Variants in PARVB observed in about 807,000 individuals in gnomAD.
The protein encoded by PARVB is beta-parvin.
In PARVB, 46 loss-of-function variants were observed where a neutral mutation model predicts 47.0. The ratio of observed to expected loss-of-function variants is 0.98; its 90% CI spans 0.77 to 1.25. The LOEUF (loss-of-function observed/expected upper bound fraction) is 1.25, where lower values mean the gene tolerates loss of function less well. Ranked by LOEUF, PARVB falls within the 50% of genes most tolerant of loss-of-function variation. PARVB has a pLI of 0.00. For synonymous variants in PARVB, 196 were observed against 196.3 expected (o/e 1.00, Z 0.01); for missense variants, 473 against 471.6 (o/e 1.00, Z -0.03).
chr22:44,108,697 G>A (rs2052622188), intron 3 of PARVB: 1 of 152,104 alleles, frequency 6.6e-6, no homozygotes, highest in African/African-American at 2.4e-5. Context: ...TCTCAAGGGT[G>A]GGGAGAATTA....
At chr22:44,145,077 C>T (rs1368782799) in intron 8 of PARVB, 1 of 152,402 alleles carries the variant, frequency 6.6e-6, no homozygotes, top group Admixed American at 6.5e-5. Flanking sequence ...TCCCCAGAGC[C>T]TGCGGAGGCT....
chr22:44,051,977 A>G (rs967237504), intron 1 of PARVB, among the ~76,000 whole-genome samples: 3 of 152,140 alleles, frequency 2.0e-5, no homozygotes, highest in East Asian at 1.9e-4. Context: ...GAAACTGGGA[A>G]GAGGCCAGGA....
chr22:44,080,654 T>A (rs938610642), intron 1 of PARVB, among the ~76,000 whole-genome samples: 3 of 152,210 alleles, frequency 2.0e-5, no homozygotes, highest in Non-Finnish European at 2.9e-5. Context: ...GATGTGGACA[T>A]CTTTGCAGGG....
chr22:44,065,992 C>CT (rs1326481909), intron 1 of PARVB, among the ~76,000 whole-genome samples: 1 of 152,012 alleles, frequency 6.6e-6, no homozygotes, highest in East Asian at 1.9e-4. Context: ...TGTTTTTTGT[C>CT]TGATGACTTC....
At chr22:44,121,216 G>A (rs2053040404) in intron 4 of PARVB, among the ~76,000 whole-genome samples, 1 of 152,028 alleles carries the variant, frequency 6.6e-6, no homozygotes, top group Non-Finnish European at 1.5e-5. Context: ...TGTTGCCCAG[G>A]CCTGTTTTGT....
In PARVB at chr22:44,172,554, T is replaced by C. The variant is rs2054279151; in HGVS notation, c.*3876T>C. 1 of 168,972 alleles carries C rather than the reference T, an allele frequency of 5.9e-6. No individual in the cohort carries two copies. The highest frequency in any genetic ancestry group is 1.2e-4 in the South Asian group (1 of 8,578). 10.5% of individuals were successfully genotyped at this position (168,972 alleles called of 1,614,324 possible). ...CTAGGGGAGCCTCCCGCAGCTTCAG[T>C]TCCCCTTTGACGCCCACACAGTGTT... On this transcript the variant is annotated 3_prime_UTR_variant, in exon 13 of 13. Coordinates refer to ENST00000338758, the MANE Select transcript of PARVB (RefSeq NM_013327.5).
At chr22:44,138,297 G>A (rs1022412055) in intron 7 of PARVB, among the ~76,000 whole-genome samples, 5 of 152,176 alleles carry the variant, frequency 3.3e-5, no homozygotes, top group African/African-American at 1.2e-4. Flanking sequence ...TCCAGGAGGA[G>A]GGGAGCACCC....
intron 1 of PARVB, among the ~76,000 whole-genome samples, chr22:44,041,996 T>A (rs2051027547): frequency 6.6e-6 from 1 of 152,134 alleles, no homozygotes; most frequent in Non-Finnish European, 1.5e-5. Context: ...CCACGGCCAC[T>A]CCCCCACTTT....
At chr22:44,162,838 G>A (rs139077) in intron 11 of PARVB, 61,024 of 152,098 alleles carry the variant, frequency 0.4, 12,666 homozygotes, top group African/African-American at 0.5. Flanking sequence ...TCATTAGCAG[G>A]ATAAAAGCTT....
chr22:44,114,665 C>G (rs1176078132), intron 3 of PARVB: 2 of 94,618 alleles, frequency 2.1e-5, no homozygotes. Context: ...CCTGCACCAA[C>G]ACAGATACGT....
intron 1 of PARVB, among the ~76,000 whole-genome samples, chr22:44,029,260 C>T (rs1305068154): frequency 6.6e-6 from 1 of 152,166 alleles, no homozygotes; most frequent in Non-Finnish European, 1.5e-5. Context: ...GCTAGGATTA[C>T]ATGCGTGAGC....
rs1189400917 is a variant in PARVB, at chr22:44,137,985, G to A, written c.692+1467G>A. 2.0e-5 allele frequency among the ~76,000 whole-genome samples: 3 copies of A among 152,136 alleles called. No individual in the cohort carries two copies. The South Asian group carries it at 6.2e-4, about 32-fold the overall frequency. ...TAGGAGTTCCCCTCTAGGTGAGGGG[G>A]TCCCATATGAGGACAGCAAGGAGGA... is the stretch of plus-strand genomic sequence containing the variant. On this transcript the variant is annotated intron_variant, in intron 7 of 12. Transcript: ENST00000338758.
At chr22:44,014,861 T>C (rs1047102479) in intron 2 of PARVB, among the ~76,000 whole-genome samples, 1 of 152,144 alleles carries the variant, frequency 6.6e-6, no homozygotes, top group Admixed American at 6.5e-5. Context: ...ACAATTTTTT[T>C]TTTTTTTGAG....
intron 4 of PARVB, among the ~76,000 whole-genome samples, chr22:44,124,434 C>G (rs1380501056): frequency 6.6e-6 from 1 of 152,228 alleles, no homozygotes; most frequent in Admixed American, 6.5e-5. Flanking sequence ...TGCTCAACCT[C>G]CCTGCTTTGA....
intron 1 of PARVB, among the ~76,000 whole-genome samples, chr22:44,028,075 G>A (rs1239619086): frequency 2.0e-5 from 3 of 151,930 alleles, no homozygotes; most frequent in Non-Finnish European, 4.4e-5. Context: ...GTGCCCCCCG[G>A]CTGTGTGGTA....
At position 44,124,630 on chromosome 22, in the gene PARVB, G is replaced by T. The variant is rs5764548; in HGVS notation, c.376+5490G>T. Among the ~76,000 whole-genome samples, 201 of 136,754 alleles carry T rather than the reference G, an allele frequency of 1.5e-3. 2 individuals are homozygous for T. The highest frequency in any genetic ancestry group is 3.7e-3 in the African/African-American group (127 of 34,008). The allele number at this position is 136,754 out of a possible 152,430, so 89.7% of individuals were successfully genotyped here. A position where few individuals can be genotyped will look rare whatever the true frequency, so the allele number is the denominator to read the frequency against. Reference sequence around the variant, plus strand: ...CCCCGTGGGCCATCCTGGAGGGTCAGTCCCACAGACAAGCCCCATCCTGGT... The same window carrying T: ...CCCCGTGGGCCATCCTGGAGGGTCATTCCCACAGACAAGCCCCATCCTGGT... On this transcript the variant is annotated intron_variant, in intron 4 of 12. Transcript: ENST00000338758.
Position 44,060,877 on chromosome 22 carries a change from G to A in PARVB, c.113-33051G>A, listed in dbSNP as rs372817708. Among the ~76,000 whole-genome samples the A allele has an allele frequency of 2.3e-4, 35 of 152,168 alleles. 2 individuals carry two copies. The highest frequency in any genetic ancestry group is 1.1e-3 in the Admixed American group (17 of 15,282). On this transcript the variant is annotated intron_variant, in intron 1 of 12. Transcript: ENST00000338758. ...TCACTCCTAGGGCAGTACAGCGCTC[G>A]GTTCCTGCGAGCCTCTGGTCACAAC...
At chr22:44,023,552 TAAAA>T (rs2050679662), upstream of PARVB, among the ~76,000 whole-genome samples, 3 of 103,638 alleles carry the variant, frequency 2.9e-5, no homozygotes, top group Admixed American at 8.6e-5. Flanking sequence ...TAAAATAAAA[TAAAA>T]TAAAATAAAA....
At chr22:44,164,414 C>CCCCA (rs1555913783) in intron 12 of PARVB, among the ~76,000 whole-genome samples, 1 of 146,336 alleles carries the variant, frequency 6.8e-6, no homozygotes, top group Non-Finnish European at 1.5e-5. Context: ...CCCTGTCCCC[C>CCCCA]CCCCGGCTCC....
Sources: allele counts gnomAD v4.1 joint callset (sites outside exome capture counted in the v4.1 genomes callset), GRCh38; gene constraint gnomAD v4.1.1; transcripts MANE v1.5; gene names NCBI Gene and HGNC (gene_info 2026-07-23, HGNC 2026-07-21).